Variants in SLC12A2 observed in about 807,000 individuals in gnomAD.
The protein encoded by SLC12A2 is Na-K-2Cl cotransporter 1.
Under a neutral mutation model 136.3 loss-of-function variants are expected in SLC12A2, and 67 were observed. The observed-to-expected ratio is 0.49, with a 90% CI of 0.40 to 0.60. The LOEUF (loss-of-function observed/expected upper bound fraction) is 0.60, where lower values mean the gene tolerates loss of function less well. Among genes scored for constraint, SLC12A2 ranks in the 20% least tolerant of loss-of-function variants. The pLI is 0.00. For missense variants in SLC12A2, 1,322 were observed against 1,534.7 expected (o/e 0.86, Z 2.32); for synonymous variants, 619 against 562.9 (o/e 1.10, Z -1.41).
intron 1 of SLC12A2, chr5:128,110,465 C>T (rs1208504011): frequency 1.5e-6 from 2 of 1,312,788 alleles, no homozygotes; most frequent in Non-Finnish European, 2.2e-6. Context: ...TAGAAACACC[C>T]TGAACTCATA....
intron 15 of SLC12A2, 54 bp downstream of exon 15, chr5:128,152,859 T>C: frequency 9.6e-7 from 1 of 1,046,196 alleles, no homozygotes; most frequent in East Asian, 2.4e-5. Context: ...GGCCAGTCAG[T>C]TCTTATTTTT....
Position 128,171,685 on chromosome 5 carries a change from A to G in SLC12A2, c.2742A>G (p.Gln914=), listed in dbSNP as rs1444783680. The G allele has an allele frequency of 1.9e-6, 3 of 1,583,230 alleles. No homozygotes were observed. The highest frequency in any genetic ancestry group is 2.4e-5 in the South Asian group (2 of 84,420). Residue 914 remains glutamine, a synonymous_variant, in exon 19 of 27, where the codon CAA becomes CAG. Transcript: ENST00000262461. ...TTCTTAGTGATGCTTTTGACATACA[A>G]TATGGAGTAGTGGTTATTCGCCTAA... ...INLFHDAFDI[Q]YGVVVIRLKE...
At chr5:128,117,309 A>G (rs1761385488) in intron 4 of SLC12A2, among the ~76,000 whole-genome samples, 1 of 152,226 alleles carries the variant, frequency 6.6e-6, no homozygotes, top group Non-Finnish European at 1.5e-5. Context: ...AGTAATGATG[A>G]TAACTGATTT....
At chr5:128,160,069 TGAG>T (rs1463971205) in intron 16 of SLC12A2, among the ~76,000 whole-genome samples, 2 of 152,158 alleles carry the variant, frequency 1.3e-5, no homozygotes, top group Non-Finnish European at 2.9e-5. Context: ...TAAAAAAGAA[TGAG>T]TTCATGTCCT....
At chr5:128,109,397 G>A in intron 1 of SLC12A2, 1 of 330,928 alleles carries the variant, frequency 3.0e-6, no homozygotes, top group Non-Finnish European at 5.9e-6. Context: ...TGATTGGCCG[G>A]TGTGCCCCTG....
At chr5:128,126,955 TATATATATA>T (rs1436421533) in intron 4 of SLC12A2, among the ~76,000 whole-genome samples, 13 of 34,470 alleles carry the variant, frequency 3.8e-4, no homozygotes, top group African/African-American at 2.6e-3. Context: ...TATATATATA[TATATATATA>T]TATTTTTTTT....
Position 128,134,177 on chromosome 5 carries a change from C to G in SLC12A2, c.1201C>G (p.Leu401Val). ...TTCCTTTTTCTAGGAACATTCCATA[C>G]TTATGATAGATGAAATCAATGATAT... ...VVELLKEHSILMIDEINDIRI... is the reference protein window; with the variant it reads ...VVELLKEHSIVMIDEINDIRI... Residue 401 changes from leucine (L) to valine (V), a missense_variant, in exon 6 of 27, where the codon CTT becomes GTT. By Grantham distance (32) the Leu-to-Val change is conservative. Around this residue, in one of 8 missense-constraint regions of SLC12A2, gnomAD observed 110 missense variants for 114.5 expected, o/e 0.96. Coordinates refer to ENST00000262461, the MANE Select transcript of SLC12A2 (RefSeq NM_001046.3). 2 of 1,559,566 alleles carry G rather than the reference C, an allele frequency of 1.3e-6. No individual in the cohort carries two copies. The highest frequency in any genetic ancestry group is 1.8e-6 in the Non-Finnish European group (2 of 1,131,600).
At chr5:128,161,823 A>G in intron 17 of SLC12A2, 23 bp downstream of exon 17, 1 of 1,385,774 alleles carries the variant, frequency 7.2e-7, no homozygotes, top group Non-Finnish European at 9.4e-7. Flanking sequence ...ATGCTTTTCA[A>G]ATGCCTACAT....
intron 14 of SLC12A2, 59 bp from the exon 15 acceptor site, chr5:128,152,647 G>A (rs1762740340): frequency 1.0e-6 from 1 of 994,150 alleles, no homozygotes; most frequent in African/African-American, 1.6e-5. Context: ...GCCTCAGATT[G>A]GCTATTGATT....
At position 128,148,860 on chromosome 5, in the gene SLC12A2, T is replaced by C; in HGVS notation, c.1988T>C (p.Leu663Pro). ...RGYILTFLIA[L>P]GFILIAELNV... ...TACATCTTAACATTCTTAATTGCAC[T>C]TGGATTCATCTTAATTGGTTAGTTA... Residue 663 changes from leucine (L) to proline (P), a missense_variant, in exon 12 of 27, where the codon CTT becomes CCT. Coordinates refer to ENST00000262461, the MANE Select transcript of SLC12A2 (RefSeq NM_001046.3). The C allele has an allele frequency of 6.2e-7, 1 of 1,600,942 alleles. No homozygotes were observed. Among genetic ancestry groups the C allele is most frequent in the Non-Finnish European group, 8.5e-7 (1 of 1,174,906 alleles).
chr5:128,131,258 T>C (rs1185535258), intron 5 of SLC12A2, 52 bp downstream of exon 5: 1 of 1,553,720 alleles, frequency 6.4e-7, no homozygotes, highest in Non-Finnish European at 8.9e-7. Flanking sequence ...ATTGAGGGAT[T>C]ATATGCCGAT....
chr5:128,148,672 T>C, intron 11 of SLC12A2, 82 bp from the exon 12 acceptor site: 1 of 1,171,982 alleles, frequency 8.5e-7, no homozygotes. Context: ...TTGAATCTCA[T>C]TCCTGATTAA....
intron 15 of SLC12A2, 164 bp from the exon 16 acceptor site, chr5:128,157,889 T>C: frequency 1.8e-6 from 1 of 556,582 alleles, no homozygotes; most frequent in South Asian, 2.7e-5. Flanking sequence ...TCTGCATTTC[T>C]CATGTACCAA....
Position 128,151,260 on chromosome 5 carries a change from A to G in SLC12A2, c.2127A>G (p.Lys709=), listed in dbSNP as rs1482710153. 1.9e-6 allele frequency: 3 copies of G among 1,603,840 alleles called. No individual in the cohort carries two copies. The highest frequency in any genetic ancestry group is 1.7e-4 in the Middle Eastern group (1 of 6,034). ...TGTTAGGATGGCGTCCTGCATTCAAATACTACAACATGTGGATATCACTTC... is the reference window on the plus strand; with the variant it reads ...TGTTAGGATGGCGTCCTGCATTCAAGTACTACAACATGTGGATATCACTTC... ...AKSPGWRPAF[K]YYNMWISLLG... Residue 709 remains lysine (K), a synonymous_variant, in exon 14 of 27, where the codon AAA becomes AAG. Coordinates refer to ENST00000262461, the MANE Select transcript of SLC12A2 (RefSeq NM_001046.3).
At chr5:128,109,537 C>T (rs1213242887) in intron 1 of SLC12A2, 2 of 668,798 alleles carry the variant, frequency 3.0e-6, no homozygotes, top group Non-Finnish European at 5.5e-6. Context: ...AGTTCCAGCA[C>T]TTGCTGGGTG....
intron 17 of SLC12A2, among the ~76,000 whole-genome samples, chr5:128,165,548 AT>A (rs1272893674): frequency 6.6e-6 from 1 of 152,140 alleles, no homozygotes; most frequent in Admixed American, 6.5e-5. Context: ...GAGAAAACAT[AT>A]TTTCAGTAGC....
At chr5:128,181,465 C>T (rs898957371) in intron 23 of SLC12A2, among the ~76,000 whole-genome samples, 1 of 152,100 alleles carries the variant, frequency 6.6e-6, no homozygotes, top group African/African-American at 2.4e-5. Context: ...TTGTCTTTGA[C>T]CTGTAACATG....
chr5:128,125,981 A>G (rs1048728606), intron 4 of SLC12A2, among the ~76,000 whole-genome samples: 3 of 152,140 alleles, frequency 2.0e-5, no homozygotes, highest in Non-Finnish European at 4.4e-5. Context: ...TCAGTTGTCT[A>G]TCATCTGGAC....
intron 6 of SLC12A2, 81 bp from the exon 7 acceptor site, chr5:128,135,619 T>C (rs1762162498): frequency 3.2e-6 from 3 of 933,892 alleles, no homozygotes; most frequent in Admixed American, 1.9e-5. Flanking sequence ...CTTTCCCTCA[T>C]GGAAGTTATA....
Sources: gnomAD v4.1 joint callset for allele counts (sites outside exome capture counted in the v4.1 genomes callset) on GRCh38, gnomAD v4.1.1 for gene constraint, gnomAD v4.1.1 regional missense constraint, MANE v1.5 for transcripts, NCBI Gene and HGNC (gene_info 2026-07-23, HGNC 2026-07-21) for gene names.